HDAC9: variants seen among roughly 807,000 people sequenced by gnomAD.
The protein encoded by HDAC9 is MEF-2 interacting transcription repressor (MITR) protein.
HDAC9 carries 41 observed loss-of-function variants against 139.4 expected under a neutral mutation model. The observed-to-expected ratio is 0.29, with a 90% CI of 0.23 to 0.38. The LOEUF is 0.38. Among genes scored for constraint, HDAC9 ranks in the 10% least tolerant of loss-of-function variants. The pLI is 1.00. For synonymous variants in HDAC9, 517 were observed against 476.2 expected (o/e 1.09, Z -1.12); for missense variants, 1,147 against 1,297.0 (o/e 0.88, Z 1.78).
chr7:18,376,900 C>A (rs1302579147), intron 1 of HDAC9, among the ~76,000 whole-genome samples: 1 of 152,080 alleles, frequency 6.6e-6, no homozygotes, highest in Non-Finnish European at 1.5e-5. Context: ...AACTTAGGTG[C>A]TATACCATCC....
chr7:18,915,793 A>ACAACAACAT (rs1341367684), intron 22 of HDAC9, among the ~76,000 whole-genome samples: 1 of 151,894 alleles, frequency 6.6e-6, no homozygotes, highest in Non-Finnish European at 1.5e-5. Flanking sequence ...AACAACAACA[A>ACAACAACAT]CAACAACAAA....
intron 12 of HDAC9, among the ~76,000 whole-genome samples, chr7:18,706,702 T>G (rs1430047718): frequency 6.6e-6 from 1 of 152,074 alleles, no homozygotes; most frequent in Admixed American, 6.5e-5. Context: ...TGGCATCTAG[T>G]GGGTAGAGGT....
At chr7:18,223,421 C>T (rs1051028161) in intron 2 of HDAC9, among the ~76,000 whole-genome samples, 2 of 148,984 alleles carry the variant, frequency 1.3e-5, no homozygotes, top group African/African-American at 2.5e-5. Context: ...TGCCAAGGCA[C>T]TTTATGTGCA....
intron 1 of HDAC9, among the ~76,000 whole-genome samples, chr7:18,400,753 ATGT>A (rs1373246544): frequency 6.6e-6 from 1 of 152,170 alleles, no homozygotes; most frequent in Non-Finnish European, 1.5e-5. Flanking sequence ...AAGAAAGTAG[ATGT>A]ACGATGAAAG....
intron 1 of HDAC9, among the ~76,000 whole-genome samples, chr7:18,322,955 G>A (rs76256938): frequency 6.6e-6 from 1 of 152,106 alleles, no homozygotes; most frequent in African/African-American, 2.4e-5. Context: ...GTTTAGAGAA[G>A]GGTGTCAGGA....
intron 24 of HDAC9, among the ~76,000 whole-genome samples, chr7:18,955,588 T>C (rs938834479): frequency 1.3e-5 from 2 of 152,166 alleles, no homozygotes; most frequent in African/African-American, 4.8e-5. Flanking sequence ...TATTACATGT[T>C]GATCAATTAC....
At chr7:18,134,874 AT>A (rs1785279334) in intron 1 of HDAC9, among the ~76,000 whole-genome samples, 2 of 152,286 alleles carry the variant, frequency 1.3e-5, no homozygotes, top group East Asian at 3.9e-4. Flanking sequence ...ATTCATTGCC[AT>A]TTGTTTTTAT....
chr7:18,547,852 C>CTTCG (rs1815564302), intron 2 of HDAC9, among the ~76,000 whole-genome samples: 1 of 139,212 alleles, frequency 7.2e-6, no homozygotes, highest in Admixed American at 7.2e-5. Flanking sequence ...TCCTTCCTTC[C>CTTCG]TTCCTACCCT....
chr7:18,819,630 C>T (rs1794817553), intron 17 of HDAC9, among the ~76,000 whole-genome samples: 1 of 152,188 alleles, frequency 6.6e-6, no homozygotes, highest in South Asian at 2.1e-4. Context: ...AACATCATTT[C>T]TTCCCTTTAA....
chr7:18,186,595 G>C (rs1276265948), intron 2 of HDAC9, among the ~76,000 whole-genome samples: 1 of 152,226 alleles, frequency 6.6e-6, no homozygotes, highest in Non-Finnish European at 1.5e-5. Flanking sequence ...GTGGCTTGAG[G>C]AATGTCAGGA....
chr7:18,174,912 A>C (rs1788756856), intron 2 of HDAC9, among the ~76,000 whole-genome samples: 1 of 152,208 alleles, frequency 6.6e-6, no homozygotes, highest in Non-Finnish European at 1.5e-5. Flanking sequence ...CATGGCGGCC[A>C]GGGACCCACT....
rs144097173 is a variant in HDAC9, at chr7:18,689,476, A to T, written c.1731+23000A>T. Among the ~76,000 whole-genome samples, 133 of 152,098 alleles carry T rather than the reference A, an allele frequency of 8.7e-4. 1 individual carries two copies. Among genetic ancestry groups the T allele is most frequent in the African/African-American group, 3.1e-3 (129 of 41,530 alleles). On this transcript the variant is annotated intron_variant, in intron 12 of 25. Coordinates refer to ENST00000686413, the MANE Select transcript of HDAC9 (RefSeq NM_178425.4). ...GCAAAGAGGAAGAAAAATGATTATA[A>T]CCAAACAGTCCCTTTAGGAATGTTT...
At chr7:18,793,499 G>A in intron 17 of HDAC9, 47 bp downstream of exon 17, 1 of 1,188,160 alleles carries the variant, frequency 8.4e-7, no homozygotes, top group Non-Finnish European at 1.2e-6. Flanking sequence ...AGAAGAAACT[G>A]AAACAGAGAT....
intron 17 of HDAC9, among the ~76,000 whole-genome samples, chr7:18,828,397 T>G (rs1425209391): frequency 6.6e-6 from 1 of 152,240 alleles, no homozygotes; most frequent in Non-Finnish European, 1.5e-5. Context: ...TATAGTTCCC[T>G]GCCTTCATGC....
chr7:18,998,437 A>G lies in HDAC9; in HGVS notation c.*2375A>G, dbSNP rs1019628142. On this transcript the variant is annotated 3_prime_UTR_variant, in exon 26 of 26. Coordinates refer to ENST00000686413, the MANE Select transcript of HDAC9 (RefSeq NM_178425.4). Reference sequence around the variant, plus strand: ...ATACTCCCATATGACACCATACCCAATTGGTTGCACTTAGAGTCTTTAAAA... The same window carrying G: ...ATACTCCCATATGACACCATACCCAGTTGGTTGCACTTAGAGTCTTTAAAA... 1.3e-5 allele frequency: 2 copies of G among 152,120 alleles called. No homozygotes were observed. Among genetic ancestry groups the G allele is most frequent in the Admixed American group, 6.5e-5 (1 of 15,272 alleles). The allele number at this position is 152,120 out of a possible 1,614,324, so 9.4% of individuals were successfully genotyped here.
At chr7:18,131,684 A>G (rs1785020351) in intron 1 of HDAC9, among the ~76,000 whole-genome samples, 1 of 152,134 alleles carries the variant, frequency 6.6e-6, no homozygotes, top group Admixed American at 6.6e-5. Flanking sequence ...CTGTTAAGCA[A>G]AGGACAGAAA....
intron 12 of HDAC9, among the ~76,000 whole-genome samples, chr7:18,697,252 G>A (rs1320507813): frequency 2.6e-5 from 4 of 152,144 alleles, no homozygotes; most frequent in African/African-American, 4.8e-5. Context: ...CAGCCTATGG[G>A]AGATGGGATC....
chr7:18,462,250 A>G (rs930900579), intron 1 of HDAC9, among the ~76,000 whole-genome samples: 1 of 152,198 alleles, frequency 6.6e-6, no homozygotes, highest in East Asian at 1.9e-4. Flanking sequence ...TTTGTTGCAC[A>G]CAGCCTCTTA....
intron 1 of HDAC9, among the ~76,000 whole-genome samples, chr7:18,111,251 A>C (rs1783603891): frequency 6.6e-6 from 1 of 152,244 alleles, no homozygotes. Flanking sequence ...CCATTCTGGA[A>C]CTTAGCAAAA....
Sources: allele counts gnomAD v4.1 joint callset (sites outside exome capture counted in the v4.1 genomes callset), GRCh38; gene constraint gnomAD v4.1.1; transcripts MANE v1.5; gene names NCBI Gene and HGNC (gene_info 2026-07-23, HGNC 2026-07-21).